Variants in P4HTM observed in about 807,000 individuals in gnomAD.
P4HTM encodes transmembrane prolyl 4-hydroxylase.
Under a neutral mutation model 55.3 loss-of-function variants are expected in P4HTM, and 33 were observed. The ratio of observed to expected loss-of-function variants is 0.60; its 90% CI spans 0.45 to 0.80. The LOEUF is 0.80. Among genes scored for constraint, P4HTM ranks in the 30% least tolerant of loss-of-function variants. The pLI, the probability that P4HTM is intolerant of heterozygous loss-of-function variation, is 0.00. For synonymous variants in P4HTM, 272 were observed against 286.4 expected (o/e 0.95, Z 0.51); for missense variants, 542 against 696.5 (o/e 0.78, Z 2.50).
Position 49,006,872 on chromosome 3 carries a change from G to A in P4HTM, c.1474G>A (p.Asp492Asn). Residue 492 changes from aspartate to asparagine, a missense_variant, in exon 9 of 9, where the codon GAC becomes AAC. By Grantham distance (23) the Asp-to-Asn change is conservative (BLOSUM62 1). Coordinates refer to ENST00000383729, the MANE Select transcript of P4HTM (RefSeq NM_177939.3). ...CGACTCACAGCCCGAGTGGGCTCTG[G>A]ACCGGGCCTACCGCGATGCGCGCGT... ...GTDSQPEWALDRAYRDARVEL is the reference protein window; with the variant it reads ...GTDSQPEWALNRAYRDARVEL 6.2e-7 allele frequency: 1 copy of A among 1,612,946 alleles called. No individual in the cohort carries two copies. Among genetic ancestry groups the A allele is most frequent in the Non-Finnish European group, 8.5e-7 (1 of 1,179,940 alleles).
At chr3:49,001,400 G>T in intron 2 of P4HTM, 38 bp from the exon 3 acceptor site, 1 of 1,604,552 alleles carries the variant, frequency 6.2e-7, no homozygotes, top group Non-Finnish European at 8.5e-7. Flanking sequence ...CAGCGCCCTG[G>T]CTCAGTCCTT....
At chr3:48,995,510 AGG>A (rs2092942977) in intron 2 of P4HTM, among the ~76,000 whole-genome samples, 1 of 152,198 alleles carries the variant, frequency 6.6e-6, no homozygotes, top group Non-Finnish European at 1.5e-5. Context: ...CTGCCCACAA[AGG>A]TGAGCTGCAT....
intron 2 of P4HTM, chr3:48,996,442 A>C (rs1576604335): frequency 6.6e-6 from 1 of 151,708 alleles, no homozygotes. Context: ...ACTCACTGCA[A>C]CCTCCGCTTC....
At chr3:49,005,672 C>A in intron 6 of P4HTM, 105 bp from the exon 7 acceptor site, 1 of 1,496,538 alleles carries the variant, frequency 6.7e-7, no homozygotes, top group Non-Finnish European at 8.9e-7. Context: ...CCTAGTCTGT[C>A]CTGGTCCCTG....
intron 2 of P4HTM, chr3:48,992,254 A>G (rs927969660): frequency 2.6e-5 from 4 of 152,214 alleles, no homozygotes; most frequent in African/African-American, 9.6e-5. Flanking sequence ...AGATGGTGAT[A>G]TGTGATTGCA....
rs1489222232 is a variant in P4HTM, at chr3:49,004,947, AC to A, written c.976del (p.His326MetfsTer21). The A allele has an allele frequency of 1.2e-6, 2 of 1,613,804 alleles. No homozygotes were observed. Among genetic ancestry groups the A allele is most frequent in the Non-Finnish European group, 1.7e-6 (2 of 1,179,962 alleles). On this transcript the variant is annotated frameshift_variant, in exon 6 of 9. Coordinates refer to ENST00000383729, the MANE Select transcript of P4HTM (RefSeq NM_177939.3). LOFTEE classifies it high-confidence loss of function. ...GTTCGATATGGTGAGGGGGGCCACTACCATGCCCACGTGGACAGTGGGCCTG... is the reference window on the plus strand; with the variant it reads ...GTTCGATATGGTGAGGGGGGCCACTACATGCCCACGTGGACAGTGGGCCTG... ...QVVRYGEGGH[Y>X]HAHVDSGPVY...
At chr3:48,997,292 A>T (rs1239902684) in intron 2 of P4HTM, 6 of 152,386 alleles carry the variant, frequency 3.9e-5, no homozygotes, top group South Asian at 2.1e-4. Flanking sequence ...CTCCAGGCAT[A>T]GGCCGTGGTT....
chr3:49,006,866 G>A lies in P4HTM; in HGVS notation c.1468G>A (p.Ala490Thr). The A allele has an allele frequency of 1.2e-6, 2 of 1,613,006 alleles. No individual in the cohort carries two copies. The highest frequency in any genetic ancestry group is 2.2e-5 in the South Asian group (2 of 91,078). Residue 490 changes from alanine to threonine, a missense_variant, in exon 9 of 9, where the codon GCT becomes ACT. Coordinates refer to ENST00000383729, the MANE Select transcript of P4HTM (RefSeq NM_177939.3). ...GGGCACCGACTCACAGCCCGAGTGG[G>A]CTCTGGACCGGGCCTACCGCGATGC... is the stretch of plus-strand genomic sequence containing the variant. ...EGGTDSQPEW[A>T]LDRAYRDARV...
chr3:49,005,857 A>G lies in P4HTM; in HGVS notation c.1154A>G (p.Tyr385Cys), dbSNP rs1559892288. ...TVFPVADNRT[Y>C]DEMSLIQDDV... ...TTCCCTGTAGCAGATAACAGAACCT[A>G]CGATGAAATGGTAAGGGTCAACTGG... Residue 385 changes from tyrosine to cysteine, a missense_variant, in exon 7 of 9, where the codon TAC (tyrosine) becomes TGC (cysteine). By Grantham distance (194) the Tyr-to-Cys change is radical. This residue lies in a region of P4HTM where 536 missense variants were observed against 672.1 expected (regional missense o/e 0.80). Transcript: ENST00000383729. 1 of 1,549,776 alleles carries G rather than the reference A, an allele frequency of 6.5e-7. No individual in the cohort carries two copies. Among genetic ancestry groups the G allele is most frequent in the Non-Finnish European group, 8.7e-7 (1 of 1,148,722 alleles).
Position 48,999,312 on chromosome 3 carries a change from C to G in P4HTM, c.437-2126C>G, listed in dbSNP as rs1215392136. 1 of 152,990 alleles carries G rather than the reference C, an allele frequency of 6.5e-6. No homozygotes were observed. Among genetic ancestry groups the G allele is most frequent in the Admixed American group, 6.5e-5 (1 of 15,298 alleles). The allele number at this position is 152,990 out of a possible 1,614,324, so 9.5% of individuals were successfully genotyped here. ...CGGGCATCGGGGTGGCACTCCCAGGCAAGCAGGAGCAGCCAGCTGACCAAC... is the reference window on the plus strand; with the variant it reads ...CGGGCATCGGGGTGGCACTCCCAGGGAAGCAGGAGCAGCCAGCTGACCAAC... On this transcript the variant is annotated intron_variant, in intron 2 of 8. Coordinates refer to ENST00000383729, the MANE Select transcript of P4HTM (RefSeq NM_177939.3). This position sits in a 1 kb window ranked among gnomAD's most constrained non-coding sequence, Gnocchi z 4.8.
intron 2 of P4HTM, among the ~76,000 whole-genome samples, chr3:48,993,414 T>C (rs931278809): frequency 6.6e-6 from 1 of 152,078 alleles, no homozygotes; most frequent in Non-Finnish European, 1.5e-5. Context: ...CCATTACTAC[T>C]ACACTACTAA....
chr3:48,996,794 C>T (rs892921086), intron 2 of P4HTM, among the ~76,000 whole-genome samples: 6 of 152,214 alleles, frequency 3.9e-5, no homozygotes, highest in Middle Eastern at 3.4e-3. Context: ...GTCCGGGGTT[C>T]GACAAACAGC....
At position 49,002,057 on chromosome 3, in the gene P4HTM, C is replaced by T. The variant is rs970218741; in HGVS notation, c.627+429C>T. On this transcript the variant is annotated intron_variant, in intron 3 of 8. Coordinates refer to ENST00000383729, the MANE Select transcript of P4HTM (RefSeq NM_177939.3). This position sits in a 1 kb window ranked among gnomAD's most constrained non-coding sequence, Gnocchi z 4.4. ...AGAGAAGTCTGGCAGGGTGGTGGTG[C>T]GGGGCACTGCCCACACAGAACACCC... Among the ~76,000 whole-genome samples, 14 of 152,164 alleles carry T rather than the reference C, an allele frequency of 9.2e-5. No homozygotes were observed. Among genetic ancestry groups the T allele is most frequent in the African/African-American group, 2.9e-4 (12 of 41,434 alleles).
At chr3:49,004,479 G>A (rs2092970652) in intron 5 of P4HTM, 1 of 574,872 alleles carries the variant, frequency 1.7e-6, no homozygotes, top group Non-Finnish European at 3.1e-6. Context: ...GGGTTAGATA[G>A]AGATTGAGCA....
rs1328553847 is a variant in P4HTM at position 49,002,886 on chromosome 3, T to C, written c.724+290T>C. The C allele has an allele frequency of 3.2e-5, 15 of 472,866 alleles. No individual in the cohort carries two copies. The highest frequency in any genetic ancestry group is 3.0e-4 in the African/African-American group (15 of 50,824). 29.3% of individuals were successfully genotyped at this position (472,866 alleles called of 1,614,324 possible). A position where few individuals can be genotyped will look rare whatever the true frequency, so the allele number is the denominator to read the frequency against. On this transcript the variant is annotated intron_variant, in intron 4 of 8. Transcript: ENST00000383729. The surrounding 1 kb of genome is among the most constrained non-coding windows in gnomAD (Gnocchi z 4.4). ...GCCTGGGGACAGGAAGTAGGGCTGC[T>C]AGTTGGCAGAGAACAGAGTGGGTGG... is the stretch of plus-strand genomic sequence containing the variant.
chr3:49,006,127 C>A lies in P4HTM; in HGVS notation c.1228C>A (p.Arg410Ser), dbSNP rs1413442651. ...TRRHCDKGNLRVKPQQGTAVF... is the reference protein window; with the variant it reads ...TRRHCDKGNLSVKPQQGTAVF... ...GAGGCACTGTGACAAGGGAAACCTGCGTGTCAAGCCCCAACAGGGCACAGC... is the reference window on the plus strand; with the variant it reads ...GAGGCACTGTGACAAGGGAAACCTGAGTGTCAAGCCCCAACAGGGCACAGC... Residue 410 changes from arginine (R) to serine (S), a missense_variant, in exon 8 of 9, where the codon CGT (arginine) becomes AGT (serine). Coordinates refer to ENST00000383729, the MANE Select transcript of P4HTM (RefSeq NM_177939.3). The A allele has an allele frequency of 6.2e-7, 1 of 1,612,822 alleles. No homozygotes were observed. Among genetic ancestry groups the A allele is most frequent in the African/African-American group, 1.3e-5 (1 of 74,918 alleles).
chr3:48,996,010 A>C (rs1206885281), intron 2 of P4HTM: 1 of 152,244 alleles, frequency 6.6e-6, no homozygotes, highest in African/African-American at 2.4e-5. Flanking sequence ...CAAAGGCAGC[A>C]GGGGGTACTA....
At chr3:49,001,677 C>A in intron 3 of P4HTM, 49 bp downstream of exon 3, 1 of 1,505,458 alleles carries the variant, frequency 6.6e-7, no homozygotes, top group South Asian at 1.2e-5. Context: ...TGCCCAGAAT[C>A]ACCTTTCTGG....
intron 5 of P4HTM, 97 bp downstream of exon 5, chr3:49,004,357 T>A: frequency 8.2e-7 from 1 of 1,224,788 alleles, no homozygotes; most frequent in Non-Finnish European, 1.1e-6. Flanking sequence ...CAGAATGGAT[T>A]AACCCATTTG....
Sources: allele counts gnomAD v4.1 joint callset (sites outside exome capture counted in the v4.1 genomes callset), GRCh38; gene constraint gnomAD v4.1.1; regional missense constraint gnomAD v4.1.1; non-coding constraint Gnocchi (gnomAD v3.1); transcripts MANE v1.5; gene names NCBI Gene and HGNC (gene_info 2026-07-23, HGNC 2026-07-21).